BET1: variants seen among roughly 807,000 people sequenced by gnomAD.
BET1 encodes Bet1 golgi vesicular membrane trafficking protein.
BET1 carries 9 observed loss-of-function variants against 13.9 expected under a neutral mutation model. The observed-to-expected ratio is 0.65, with a 90% CI of 0.39 to 1.13. The LOEUF (loss-of-function observed/expected upper bound fraction) is 1.13, where lower values mean the gene tolerates loss of function less well. BET1 is among the 50% of genes most tolerant of loss of function. BET1 has a pLI of 0.01. For missense variants in BET1, 127 were observed against 133.6 expected (o/e 0.95, Z 0.24); for synonymous variants, 39 against 47.3 (o/e 0.82, Z 0.72).
chr7:93,978,317 C>T (rs1795373351), intron 4 of BET1, among the ~76,000 whole-genome samples: 1 of 152,156 alleles, frequency 6.6e-6, no homozygotes, highest in Admixed American at 6.5e-5. Context: ...AATCTGCCCA[C>T]CTTGGCCTCC....
chr7:93,966,639 C>T lies in BET1; in HGVS notation c.*138-952G>A, dbSNP rs185110687. On this transcript the variant is annotated intron_variant and NMD_transcript_variant, in intron 6 of 6. Transcript: ENST00000357520. The stretch of plus-strand genomic sequence containing the variant: ...TTTTGGTGGGAGATAGGGGAATATA[C>T]TATCTTCTAGTCCTTTAGTTCCTTT... Among the ~76,000 whole-genome samples, 255 of 150,282 alleles carry T rather than the reference C, an allele frequency of 1.7e-3. 6 individuals are homozygous for T. In the Middle Eastern group the frequency reaches 0.031, roughly 18 times the overall value.
chr7:93,984,433 C>G (rs1355631421), intron 4 of BET1, among the ~76,000 whole-genome samples: 1 of 152,110 alleles, frequency 6.6e-6, no homozygotes, highest in African/African-American at 2.4e-5. Flanking sequence ...CTACGTCAAA[C>G]CTTTTAGTAC....
At chr7:93,995,372 G>T (rs1404731377) in intron 3 of BET1, among the ~76,000 whole-genome samples, 2 of 152,110 alleles carry the variant, frequency 1.3e-5, no homozygotes, top group Non-Finnish European at 2.9e-5. Context: ...ATAATATCCT[G>T]AGATGTAAAA....
rs148743030 is a variant in BET1 at position 93,984,359 on chromosome 7, G to A, written c.236-8259C>T. 1.6e-3 allele frequency among the ~76,000 whole-genome samples: 244 copies of A among 152,084 alleles called. 6 individuals carry two copies. In the East Asian group the frequency reaches 0.045, roughly 28 times the overall value. On this transcript the variant is annotated intron_variant and NMD_transcript_variant, in intron 4 of 6. Transcript: ENST00000357520. ...AATAAGGTCATATTTTGAGGTTCTG[G>A]GTGTACATGAATCTTTAGGAACTAT... is the stretch of plus-strand genomic sequence containing the variant.
chr7:93,995,902 T>G, intron 3 of BET1: 1 of 322,234 alleles, frequency 3.1e-6, no homozygotes, highest in Non-Finnish European at 5.6e-6. Context: ...GTGAACGACA[T>G]TTAGTTGGTT....
chr7:93,996,388 A>T (rs13222557), intron 2 of BET1, 67 bp from the exon 3 acceptor site: 40,444 of 1,168,878 alleles, frequency 0.035, 820 homozygotes, highest in Non-Finnish European at 0.041. Flanking sequence ...AAGTAAAAAT[A>T]ATGTCATTCT....
intron 1 of BET1, among the ~76,000 whole-genome samples, chr7:94,000,810 G>A (rs962627219): frequency 6.6e-6 from 1 of 152,200 alleles, no homozygotes; most frequent in African/African-American, 2.4e-5. Context: ...AGTGACTTGA[G>A]AATGTGGGGA....
intron 1 of BET1, 114 bp from the exon 2 acceptor site, chr7:93,999,408 T>G: frequency 1.6e-6 from 2 of 1,266,756 alleles, no homozygotes; most frequent in Non-Finnish European, 2.1e-6. Context: ...CATATGTCTC[T>G]AATATTCATA....
chr7:93,992,972 C>A, downstream of BET1: 1 of 985,084 alleles, frequency 1.0e-6, no homozygotes, highest in Non-Finnish European at 1.2e-6. Flanking sequence ...CAAATAATGA[C>A]GAATGAAGCC....
chr7:93,985,014 C>G (rs1306129260), intron 4 of BET1, among the ~76,000 whole-genome samples: 15 of 152,062 alleles, frequency 9.9e-5, no homozygotes, highest in Admixed American at 9.8e-4. Context: ...TATTCTCACT[C>G]TATATTTTGA....
Position 93,964,371 on chromosome 7 carries a change from T to G in BET1, c.*1454A>C, listed in dbSNP as rs560383329. On this transcript the variant is annotated 3_prime_UTR_variant and NMD_transcript_variant, in exon 7 of 7. Transcript: ENST00000357520. The stretch of plus-strand genomic sequence containing the variant: ...ATAAGTAAGAACATACAGTATTTGG[T>G]TTTCTGTTCCTGCATTAATTCGATT... 4 of 152,176 alleles carry G rather than the reference T, an allele frequency of 2.6e-5. No homozygotes were observed. In the South Asian group the frequency reaches 8.3e-4, roughly 32 times the overall value. 9.4% of individuals were successfully genotyped at this position (152,176 alleles called of 1,614,324 possible).
chr7:93,976,220 A>G (rs917692725), intron 4 of BET1: 2 of 742,732 alleles, frequency 2.7e-6, no homozygotes, highest in Middle Eastern at 1.0e-3. Context: ...GCAGGTATTC[A>G]GAGAATTAAT....
At chr7:93,996,640 T>C (rs975631254) in intron 2 of BET1, among the ~76,000 whole-genome samples, 1 of 151,210 alleles carries the variant, frequency 6.6e-6, no homozygotes, top group Non-Finnish European at 1.5e-5. Context: ...CTTTATTATA[T>C]TCCTACAAAA....
intron 4 of BET1, among the ~76,000 whole-genome samples, chr7:93,986,792 C>G (rs1562803851): frequency 6.6e-6 from 1 of 152,158 alleles, no homozygotes; most frequent in Non-Finnish European, 1.5e-5. Context: ...TGCAAAAATT[C>G]CTATAATCTA....
downstream of BET1, among the ~76,000 whole-genome samples, chr7:93,989,061 T>C (rs1673895531): frequency 6.6e-6 from 1 of 151,326 alleles, no homozygotes; most frequent in African/African-American, 2.4e-5. Context: ...TCACCCAGGC[T>C]GGAGTGCAGT....
chr7:93,988,782 A>G (rs1313863910), downstream of BET1, among the ~76,000 whole-genome samples: 1 of 151,782 alleles, frequency 6.6e-6, no homozygotes, highest in East Asian at 1.9e-4. Flanking sequence ...ATATTAATAC[A>G]AAAAGGACTG....
chr7:93,990,492 C>T (rs1378099100), downstream of BET1, among the ~76,000 whole-genome samples: 2 of 151,898 alleles, frequency 1.3e-5, no homozygotes, highest in East Asian at 3.9e-4. Context: ...TTCATTTTCT[C>T]CTGCTCATTT....
At chr7:93,983,549 C>T (rs902651946) in intron 4 of BET1, among the ~76,000 whole-genome samples, 5 of 151,810 alleles carry the variant, frequency 3.3e-5, no homozygotes, top group Middle Eastern at 3.4e-3. Flanking sequence ...ATTTTAGGAC[C>T]AAATTAAGAT....
intron 2 of BET1, among the ~76,000 whole-genome samples, chr7:93,998,704 AAAAAG>A (rs1444143941): frequency 6.6e-6 from 1 of 152,030 alleles, no homozygotes; most frequent in Non-Finnish European, 1.5e-5. Flanking sequence ...CATCTCAAAA[AAAAAG>A]AAAAGAAAAG....
Sources: gnomAD v4.1 joint callset for allele counts (sites outside exome capture counted in the v4.1 genomes callset) on GRCh38, gnomAD v4.1.1 for gene constraint, MANE v1.5 for transcripts, NCBI Gene and HGNC (gene_info 2026-07-23, HGNC 2026-07-21) for gene names.